Variants in SNX25 observed in about 807,000 individuals in gnomAD.
SNX25 encodes the protein sorting nexin 25.
Under a neutral mutation model 113.7 loss-of-function variants are expected in SNX25, and 62 were observed. The ratio of observed to expected loss-of-function variants is 0.55; its 90% CI spans 0.44 to 0.67. The LOEUF is 0.67. SNX25 is among the 30% of genes least tolerant of loss of function. The pLI is 0.00. For missense variants in SNX25, 1,014 were observed against 1,161.0 expected, an observed-to-expected ratio of 0.87 and a Z score of 1.84; for synonymous variants, 421 against 436.2, an observed-to-expected ratio of 0.97 and a Z score of 0.43.
intron 6 of SNX25, among the ~76,000 whole-genome samples, chr4:185,303,598 G>T (rs1754017905): frequency 1.3e-5 from 2 of 148,206 alleles, no homozygotes; most frequent in Admixed American, 6.8e-5. Context: ...GGCGGAGCTT[G>T]CAGTAATCTG....
At chr4:185,220,525 C>G (rs1739633898) in intron 1 of SNX25, among the ~76,000 whole-genome samples, 1 of 150,594 alleles carries the variant, frequency 6.6e-6, no homozygotes, top group Non-Finnish European at 1.5e-5. Flanking sequence ...CTCTGTCACC[C>G]AGGCTGGGGT....
rs183298445 is a variant in SNX25 at position 185,316,100 on chromosome 4, C to G, written c.1345-4633C>G. ...GTTTTTTATGTCCTTTGTAATTTCT[C>G]TTTGGAGCCCAGTTGAGAATCACTG... is the stretch of plus-strand genomic sequence containing the variant. On this transcript the variant is annotated intron_variant, in intron 7 of 18. Coordinates refer to ENST00000652585, the MANE Select transcript of SNX25 (RefSeq NM_001378034.2). 3.3e-4 allele frequency among the ~76,000 whole-genome samples: 51 copies of G among 152,282 alleles called. 1 individual carries two copies. Among genetic ancestry groups the G allele is most frequent in the Non-Finnish European group, 4.0e-4 (27 of 68,004 alleles).
chr4:185,272,587 G>A (rs756889596), intron 5 of SNX25, among the ~76,000 whole-genome samples: 2 of 151,884 alleles, frequency 1.3e-5, no homozygotes, highest in Non-Finnish European at 2.9e-5. Flanking sequence ...AGGGGAATCC[G>A]GGCATCAGGA....
At chr4:185,260,728 T>C (rs1031298086) in intron 3 of SNX25, among the ~76,000 whole-genome samples, 1 of 152,218 alleles carries the variant, frequency 6.6e-6, no homozygotes, top group African/African-American at 2.4e-5. Context: ...CCTTTTTATT[T>C]TACTATAGTT....
At chr4:185,317,198 G>C (rs2095081267) in intron 7 of SNX25, among the ~76,000 whole-genome samples, 1 of 152,102 alleles carries the variant, frequency 6.6e-6, no homozygotes, top group Non-Finnish European at 1.5e-5. Context: ...ACATTTATGT[G>C]GCCAACAAAC....
chr4:185,320,934 C>T, intron 8 of SNX25, 70 bp downstream of exon 8: 2 of 1,364,952 alleles, frequency 1.5e-6, no homozygotes, highest in Non-Finnish European at 2.0e-6. Flanking sequence ...GGCAGCATGT[C>T]TGTTTTTCTC....
intron 1 of SNX25, among the ~76,000 whole-genome samples, chr4:185,220,569 C>G (rs577405404): frequency 3.3e-5 from 5 of 149,596 alleles, no homozygotes; most frequent in African/African-American, 9.8e-5. Context: ...ACAACCTCTG[C>G]CTGCCAGGTT....
chr4:185,239,808 TTTCTCGCAGAGGGGGA>T (rs1743381852), intron 1 of SNX25, among the ~76,000 whole-genome samples: 1 of 148,028 alleles, frequency 6.8e-6, no homozygotes, highest in South Asian at 2.2e-4. Flanking sequence ...TTCTTGGGTG[TTTCTCGCAGAGGGGGA>T]TTTGGCAGGG....
At chr4:185,206,682 A>C (rs1374558320), upstream of SNX25, among the ~76,000 whole-genome samples, 2 of 148,668 alleles carry the variant, frequency 1.3e-5, no homozygotes. Context: ...AAAAAAAAAA[A>C]GAATGGAAGA....
At chr4:185,273,966 C>T (rs1481914257) in intron 5 of SNX25, among the ~76,000 whole-genome samples, 1 of 151,980 alleles carries the variant, frequency 6.6e-6, no homozygotes, top group Admixed American at 6.6e-5. Context: ...CCAGAGTCTT[C>T]ATGGTCCAGG....
chr4:185,215,215 C>G (rs12650980), intron 1 of SNX25, among the ~76,000 whole-genome samples: 1 of 151,450 alleles, frequency 6.6e-6, no homozygotes, highest in African/African-American at 2.4e-5. Flanking sequence ...GGCGACAGAG[C>G]GAGACTCCGT....
intron 16 of SNX25, among the ~76,000 whole-genome samples, chr4:185,359,951 T>C (rs376434887): frequency 1.6e-4 from 25 of 152,324 alleles, no homozygotes; most frequent in East Asian, 1.5e-3. Flanking sequence ...CACATGGTTC[T>C]TTGCTGTTTT....
intron 1 of SNX25, among the ~76,000 whole-genome samples, chr4:185,241,062 T>C (rs1257227665): frequency 6.7e-6 from 1 of 148,688 alleles, no homozygotes. Context: ...CGCTCCTCAC[T>C]TCCCAGACGG....
intron 1 of SNX25, among the ~76,000 whole-genome samples, chr4:185,233,091 C>A (rs1320925925): frequency 6.6e-6 from 1 of 151,988 alleles, no homozygotes; most frequent in Admixed American, 6.6e-5. Flanking sequence ...CGAGACCTGC[C>A]TGGCCAACAT....
chr4:185,351,446 A>C lies in SNX25; in HGVS notation c.2303A>C (p.Asn768Thr), dbSNP rs1334334258. ...CAGTTAATCCTCTTTCTTCCATAGA[A>C]TCTGCTTTCAGATGAAAGACTGTGT... Reference protein sequence around the residue: ...SKNQLNKFLQNLLSDERLCQS... With the variant: ...SKNQLNKFLQTLLSDERLCQS... Residue 768 changes from asparagine to threonine, a missense_variant and splice_region_variant, in exon 14 of 19, where the codon AAT becomes ACT. Coordinates refer to ENST00000652585, the MANE Select transcript of SNX25 (RefSeq NM_001378034.2). The C allele has an allele frequency of 6.2e-7, 1 of 1,613,188 alleles. No homozygotes were observed. The highest frequency in any genetic ancestry group is 1.7e-4 in the Middle Eastern group (1 of 6,058).
At chr4:185,262,708 T>C (rs1747496621) in intron 3 of SNX25, among the ~76,000 whole-genome samples, 1 of 152,252 alleles carries the variant, frequency 6.6e-6, no homozygotes, top group Non-Finnish European at 1.5e-5. Flanking sequence ...TAAGTCATTG[T>C]ACATTTGAAA....
intron 7 of SNX25, among the ~76,000 whole-genome samples, chr4:185,313,992 A>T (rs2095050742): frequency 6.6e-6 from 1 of 152,182 alleles, no homozygotes; most frequent in South Asian, 2.1e-4. Flanking sequence ...AAGGGTTTTC[A>T]TCCGCATCAT....
chr4:185,239,476 C>T (rs903445590), intron 1 of SNX25, among the ~76,000 whole-genome samples: 22 of 151,926 alleles, frequency 1.4e-4, no homozygotes, highest in Admixed American at 3.9e-4. Context: ...AGTGAGACTC[C>T]GTCTCAAAAA....
chr4:185,351,717 G>C, intron 14 of SNX25, 108 bp downstream of exon 14: 3 of 1,187,174 alleles, frequency 2.5e-6, no homozygotes, highest in Non-Finnish European at 3.5e-6. Flanking sequence ...CATTAGCACT[G>C]TCACATTTTG....
Sources: gnomAD v4.1 joint callset for allele counts (sites outside exome capture counted in the v4.1 genomes callset) on GRCh38, gnomAD v4.1.1 for gene constraint, MANE v1.5 for transcripts, NCBI Gene and HGNC (gene_info 2026-07-23, HGNC 2026-07-21) for gene names.